The following C3orf52 variants were observed in gnomAD, a reference collection of about 807,000 sequenced individuals.
The protein encoded by C3orf52 is TPA-induced transmembrane protein.
A neutral mutation model predicts 24.8 loss-of-function variants in C3orf52; 22 were observed. The observed-to-expected ratio is 0.89, with a 90% CI of 0.63 to 1.27. The LOEUF (loss-of-function observed/expected upper bound fraction) is 1.27, where lower values mean the gene tolerates loss of function less well. Among genes scored for constraint, C3orf52 ranks in the 50% most tolerant of loss-of-function variants. The probability of loss-of-function intolerance (pLI) is 0.00; values close to 1 mark genes in which losing one functional copy is unlikely to be tolerated. For synonymous variants in C3orf52, 93 were observed against 100.2 expected, an observed-to-expected ratio of 0.93 and a Z score of 0.43; for missense variants, 265 against 260.7, an observed-to-expected ratio of 1.02 and a Z score of -0.11.
intron 1 of C3orf52, among the ~76,000 whole-genome samples, chr3:112,089,982 T>C (rs183170715): frequency 2.5e-4 from 38 of 152,300 alleles, no homozygotes; most frequent in Non-Finnish European, 2.8e-4. Flanking sequence ...GTTGCAAATA[T>C]CTCCGGAAGG....
At chr3:112,094,667 C>A (rs1053349328) in intron 2 of C3orf52, among the ~76,000 whole-genome samples, 1 of 152,154 alleles carries the variant, frequency 6.6e-6, no homozygotes, top group Non-Finnish European at 1.5e-5. Flanking sequence ...ATACAGTCTT[C>A]CACATCATTT....
intron 4 of C3orf52, among the ~76,000 whole-genome samples, chr3:112,124,712 A>T (rs1339387675): frequency 6.6e-6 from 1 of 152,224 alleles, no homozygotes; most frequent in Non-Finnish European, 1.5e-5. Context: ...TAAATAGGGA[A>T]GCGACTCAAG....
exon 5 of C3orf52, chr3:112,128,358 C>A: frequency 5.6e-6 from 3 of 539,800 alleles, no homozygotes; most frequent in South Asian, 5.3e-5. Context: ...ATGAAGAACA[C>A]GTAAGTGTTA....
downstream of C3orf52, chr3:112,122,329 T>C (rs1214818434): frequency 6.6e-6 from 1 of 152,190 alleles, no homozygotes; most frequent in East Asian, 1.9e-4. Flanking sequence ...TCATAGATAG[T>C]AGGTAAACAA....
At chr3:112,105,823 C>CAA (rs761974909) in intron 3 of C3orf52, among the ~76,000 whole-genome samples, 3,818 of 83,250 alleles carry the variant, frequency 0.046, 230 homozygotes, top group African/African-American at 0.15. Context: ...ACTTAGTCTC[C>CAA]AAAAAAAAAA....
At chr3:112,113,259 C>G (rs1364858641) in intron 5 of C3orf52, 114 bp downstream of exon 5, 2 of 761,504 alleles carry the variant, frequency 2.6e-6, no homozygotes, top group Admixed American at 5.7e-5. Context: ...CTGTGTCAGA[C>G]TATTCATTTA....
intron 4 of C3orf52, chr3:112,111,845 T>C (rs887384976): frequency 6.6e-6 from 1 of 152,388 alleles, no homozygotes; most frequent in South Asian, 2.1e-4. Context: ...CTTGAAACTA[T>C]GAGTTTCTTC....
At position 112,086,443 on chromosome 3, in the gene C3orf52, G is replaced by A. The variant is rs2073826036; in HGVS notation, c.36G>A (p.Glu12=). 4 of 1,551,334 alleles carry A rather than the reference G, an allele frequency of 2.6e-6. No individual in the cohort carries two copies. The South Asian group carries it at 3.6e-5, about 14-fold the overall frequency. The change falls in exon 1 of 6, where the codon GAG becomes GAA. Residue 12 remains glutamate (E), a synonymous_variant. Coordinates refer to ENST00000264848, the MANE Select transcript of C3orf52 (RefSeq NM_024616.3). Reference sequence around the variant, plus strand: ...CCCAACCCTCACAGCCAGTAGACGAGCTGGAGCTCTCGGTGCTCGAGCGGC... The same window carrying A: ...CCCAACCCTCACAGCCAGTAGACGAACTGGAGCTCTCGGTGCTCGAGCGGC... ...DLAQPSQPVD[E]LELSVLERQP...
chr3:112,117,383 C>T lies in C3orf52; in HGVS notation c.*737C>T, dbSNP rs143445052. 1.8e-5 allele frequency: 3 copies of T among 170,650 alleles called. No homozygotes were observed. The East Asian group carries it at 4.9e-4, about 28-fold the overall frequency. The allele number at this position is 170,650 out of a possible 1,614,324, so 10.6% of individuals were successfully genotyped here. ...GTATATAGCTAGTTACAGACGGGAG[C>T]TATGTGTTTCTTCATTATTTTGCAG... On this transcript the variant is annotated 3_prime_UTR_variant, in exon 6 of 6. Coordinates refer to ENST00000264848, the MANE Select transcript of C3orf52 (RefSeq NM_024616.3).
intron 1 of C3orf52, among the ~76,000 whole-genome samples, chr3:112,087,659 T>A (rs2073842019): frequency 6.6e-6 from 1 of 152,224 alleles, no homozygotes; most frequent in African/African-American, 2.4e-5. Context: ...ATTTGGAAAC[T>A]TATTTCTGAA....
chr3:112,130,074 C>G (rs977269931), downstream of C3orf52: 55 of 202,616 alleles, frequency 2.7e-4, no homozygotes, highest in Admixed American at 2.6e-3. Flanking sequence ...CATGTGGTCA[C>G]TTCAGAAATA....
intron 3 of C3orf52, among the ~76,000 whole-genome samples, chr3:112,105,073 C>T (rs2074010995): frequency 6.6e-6 from 1 of 152,080 alleles, no homozygotes; most frequent in Non-Finnish European, 1.5e-5. Context: ...TGCACAGAGT[C>T]AGATATGAGG....
At chr3:112,123,891 A>C (rs1576159504) in intron 4 of C3orf52, 3 of 1,032,760 alleles carry the variant, frequency 2.9e-6, no homozygotes, top group Non-Finnish European at 2.8e-6. Flanking sequence ...CCTCCTCCCC[A>C]TCTCTTGGCC....
At chr3:112,104,345 A>G (rs1431084499) in intron 3 of C3orf52, among the ~76,000 whole-genome samples, 1 of 152,176 alleles carries the variant, frequency 6.6e-6, no homozygotes, top group Admixed American at 6.5e-5. Context: ...TGATAAGAAA[A>G]TCTAGGCAAG....
chr3:112,113,190 G>A (rs1046402069), intron 5 of C3orf52, 45 bp downstream of exon 5: 3 of 1,501,576 alleles, frequency 2.0e-6, no homozygotes, highest in Non-Finnish European at 2.7e-6. Flanking sequence ...CAATAAACAG[G>A]TGAACCAGAT....
chr3:112,128,506 C>T (rs897303774), exon 5 of C3orf52: 2 of 317,136 alleles, frequency 6.3e-6, no homozygotes, highest in South Asian at 2.8e-5. Flanking sequence ...GCTCACTTGT[C>T]TATATTCTAC....
At chr3:112,134,802 AT>A (rs2074533787), downstream of C3orf52, 1 of 154,806 alleles carries the variant, frequency 6.5e-6, no homozygotes, top group Non-Finnish European at 1.5e-5. Context: ...AATCCTGACC[AT>A]CATTGAAAAG....
intron 1 of C3orf52, among the ~76,000 whole-genome samples, chr3:112,087,322 C>T (rs1290383632): frequency 6.6e-6 from 1 of 152,206 alleles, no homozygotes; most frequent in Non-Finnish European, 1.5e-5. Flanking sequence ...TTAGGCCAAG[C>T]TCTTTTCTGA....
intron 1 of C3orf52, among the ~76,000 whole-genome samples, chr3:112,090,371 T>G (rs984437307): frequency 1.4e-5 from 2 of 146,872 alleles, no homozygotes; most frequent in African/African-American, 5.0e-5. Context: ...CATAGCTCAC[T>G]GCAGCCTTGA....
Sources: gnomAD v4.1 joint callset for allele counts (sites outside exome capture counted in the v4.1 genomes callset) on GRCh38, gnomAD v4.1.1 for gene constraint, MANE v1.5 for transcripts, NCBI Gene and HGNC (gene_info 2026-07-23, HGNC 2026-07-21) for gene names.